TNKS: variants seen among roughly 807,000 people sequenced by gnomAD.
TNKS encodes the protein poly [ADP-ribose] polymerase tankyrase-1.
Under a neutral mutation model 135.8 loss-of-function variants are expected in TNKS, and 72 were observed. The ratio of observed to expected loss-of-function variants is 0.53; its 90% CI spans 0.44 to 0.64. The LOEUF (loss-of-function observed/expected upper bound fraction) is 0.64, where lower values mean the gene tolerates loss of function less well. TNKS is among the 30% of genes least tolerant of loss of function. The probability of loss-of-function intolerance (pLI) is 0.00; values close to 1 mark genes in which losing one functional copy is unlikely to be tolerated. For synonymous variants in TNKS, 849 were observed against 649.3 expected (o/e 1.31, Z -4.68); for missense variants, 1,769 against 1,674.0 (o/e 1.06, Z -0.99).
intron 2 of TNKS, among the ~76,000 whole-genome samples, chr8:9,603,304 C>T (rs1799090973): frequency 6.6e-6 from 1 of 151,816 alleles, no homozygotes; most frequent in South Asian, 2.1e-4. Flanking sequence ...ATCCGCCCGC[C>T]TTGGCCTCCC....
At chr8:9,696,865 G>C (rs1803537127) in intron 5 of TNKS, among the ~76,000 whole-genome samples, 1 of 152,162 alleles carries the variant, frequency 6.6e-6, no homozygotes, top group Non-Finnish European at 1.5e-5. Context: ...TCATTAAAGT[G>C]GCCATACTGC....
At chr8:9,680,268 C>T (rs1174065287) in intron 4 of TNKS, among the ~76,000 whole-genome samples, 1 of 152,086 alleles carries the variant, frequency 6.6e-6, no homozygotes, top group Admixed American at 6.6e-5. Context: ...TATTTAAATA[C>T]CTATATCTTC....
intron 3 of TNKS, among the ~76,000 whole-genome samples, chr8:9,657,275 C>T (rs1247382957): frequency 9.3e-5 from 9 of 96,836 alleles, no homozygotes; most frequent in East Asian, 5.6e-4. Flanking sequence ...CCCTCCCGGA[C>T]GGGGCGGCTG....
At chr8:9,674,830 C>G (rs1164695895) in intron 3 of TNKS, among the ~76,000 whole-genome samples, 1 of 152,132 alleles carries the variant, frequency 6.6e-6, no homozygotes, top group Non-Finnish European at 1.5e-5. Context: ...TTAAGGACAA[C>G]AAACAACTGT....
intron 20 of TNKS, among the ~76,000 whole-genome samples, chr8:9,753,597 T>C (rs28452754): frequency 0.036 from 5,454 of 152,296 alleles, 324 homozygotes; most frequent in African/African-American, 0.12. Flanking sequence ...GCTTTAAATA[T>C]TGAATGATGG....
In TNKS at chr8:9,781,599, CATCTT is replaced by C. The variant is rs1808459856; in HGVS notation, c.*4869_*4873del. Reference sequence around the variant, plus strand: ...GCTTCTGCTCCCATTGTTTCAAGCTCATCTTATCTTTGTAGTAGTAATGTTTGTCT... The same window carrying C: ...GCTTCTGCTCCCATTGTTTCAAGCTCATCTTTGTAGTAGTAATGTTTGTCT... On this transcript the variant is annotated 3_prime_UTR_variant, in exon 27 of 27. Coordinates refer to ENST00000310430, the MANE Select transcript of TNKS (RefSeq NM_003747.3). 6.6e-6 allele frequency: 1 copy of C among 152,536 alleles called. No homozygotes were observed. Among genetic ancestry groups the C allele is most frequent in the Non-Finnish European group, 1.5e-5 (1 of 68,042 alleles). 9.4% of individuals were successfully genotyped at this position (152,536 alleles called of 1,614,324 possible). A position where few individuals can be genotyped will look rare whatever the true frequency, so the allele number is the denominator to read the frequency against.
rs764208227 is a variant in TNKS at position 9,726,626 on chromosome 8, C to T, written c.1922-15C>T. 3.1e-6 allele frequency: 5 copies of T among 1,590,734 alleles called. No individual in the cohort carries two copies. The highest frequency in any genetic ancestry group is 4.3e-6 in the Non-Finnish European group (5 of 1,167,216). The stretch of plus-strand genomic sequence containing the variant: ...TTTGGATATATATATGAGTTCTTTC[C>T]TTCCTTTTATGCAGAGAGTACACCT... On this transcript the variant is annotated splice_polypyrimidine_tract_variant and intron_variant, in intron 12 of 26. Transcript: ENST00000310430.
rs555565457 is a variant in TNKS at position 9,755,861 on chromosome 8, C to T, written c.3153+3235C>T. Among the ~76,000 whole-genome samples, 3 of 152,312 alleles carry T rather than the reference C, an allele frequency of 2.0e-5. No individual in the cohort carries two copies. The East Asian group carries it at 5.8e-4, about 29-fold the overall frequency. On this transcript the variant is annotated intron_variant, in intron 20 of 26. Transcript: ENST00000310430. ...GAAAACCTTCGGCACATCATAGCCT[C>T]ACCTCCTATCTTCACAGTTACTCTC...
intron 2 of TNKS, chr8:9,615,222 G>A (rs2128765249): frequency 1.2e-5 from 2 of 165,166 alleles, no homozygotes; most frequent in Middle Eastern, 2.7e-3. Context: ...AGCCACAGTG[G>A]TAGTAAAGAG....
At chr8:9,676,824 C>G (rs1403414090) in intron 3 of TNKS, among the ~76,000 whole-genome samples, 1 of 152,012 alleles carries the variant, frequency 6.6e-6, no homozygotes, top group African/African-American at 2.4e-5. Flanking sequence ...ATTCCATTTA[C>G]TTTTATTTTA....
At chr8:9,730,578 C>A (rs551952659) in intron 13 of TNKS, among the ~76,000 whole-genome samples, 12 of 152,234 alleles carry the variant, frequency 7.9e-5, no homozygotes, top group East Asian at 5.8e-4. Context: ...GAAAGACTTA[C>A]AAAGATAAAA....
At chr8:9,690,348 A>T in intron 5 of TNKS, among the ~76,000 whole-genome samples, 1 of 152,226 alleles carries the variant, frequency 6.6e-6, no homozygotes, top group Non-Finnish European at 1.5e-5. Flanking sequence ...CTTTATTCTC[A>T]CAGAGATTAC....
At chr8:9,631,762 A>AT (rs61251441) in intron 3 of TNKS, among the ~76,000 whole-genome samples, 13,175 of 135,206 alleles carry the variant, frequency 0.097, 617 homozygotes, top group South Asian at 0.19. Flanking sequence ...TGGTTGGTTG[A>AT]TTTTTTTTTT....
chr8:9,722,030 C>G (rs1435094849), intron 12 of TNKS, among the ~76,000 whole-genome samples: 1 of 148,944 alleles, frequency 6.7e-6, no homozygotes, highest in African/African-American at 2.5e-5. Flanking sequence ...TCCATCCAGC[C>G]TGGGTGACAG....
At chr8:9,637,796 C>A (rs767862112) in intron 3 of TNKS, among the ~76,000 whole-genome samples, 30 of 152,080 alleles carry the variant, frequency 2.0e-4, no homozygotes, top group Non-Finnish European at 3.8e-4. Context: ...GGAGAGAAAT[C>A]TAGCCAGGAA....
intron 3 of TNKS, among the ~76,000 whole-genome samples, chr8:9,662,042 C>T (rs1459150299): frequency 6.6e-6 from 1 of 152,188 alleles, no homozygotes; most frequent in African/African-American, 2.4e-5. Flanking sequence ...CAATGAGATA[C>T]CATCTCACAC....
chr8:9,577,514 G>C (rs139655994), intron 1 of TNKS, among the ~76,000 whole-genome samples: 1 of 152,220 alleles, frequency 6.6e-6, no homozygotes, highest in Admixed American at 6.5e-5. Flanking sequence ...GGGGAAGCAG[G>C]CATGTCTTAT....
At chr8:9,614,257 C>G (rs562980611) in intron 2 of TNKS, among the ~76,000 whole-genome samples, 2 of 152,190 alleles carry the variant, frequency 1.3e-5, no homozygotes, top group East Asian at 3.8e-4. Flanking sequence ...ACTCTTGAAT[C>G]AGTTTATAAA....
chr8:9,703,777 A>G (rs1000044423), intron 5 of TNKS, among the ~76,000 whole-genome samples: 1 of 152,250 alleles, frequency 6.6e-6, no homozygotes, highest in Non-Finnish European at 1.5e-5. Flanking sequence ...GCATTAAAGT[A>G]TATTAAAGCC....
Sources: gnomAD v4.1 joint callset for allele counts (sites outside exome capture counted in the v4.1 genomes callset) on GRCh38, gnomAD v4.1.1 for gene constraint, MANE v1.5 for transcripts, NCBI Gene and HGNC (gene_info 2026-07-23, HGNC 2026-07-21) for gene names.